Variants in EPC2 observed in about 807,000 individuals in gnomAD.
EPC2 encodes enhancer of polycomb 2, also known as enhancer of polycomb homolog 2.
In EPC2, 14 loss-of-function variants were observed where a neutral mutation model predicts 92.1. The observed-to-expected ratio is 0.15, with a 90% CI of 0.10 to 0.24. The LOEUF (loss-of-function observed/expected upper bound fraction) is 0.24. Among genes scored for constraint, EPC2 ranks in the 10% least tolerant of loss-of-function variants. The probability of loss-of-function intolerance (pLI) is 1.00; values close to 1 mark genes in which losing one functional copy is unlikely to be tolerated. For missense variants in EPC2, 755 were observed against 971.5 expected, an observed-to-expected ratio of 0.78 and a Z score of 2.96; for synonymous variants, 340 against 334.7, an observed-to-expected ratio of 1.02 and a Z score of -0.17.
At chr2:148,667,692 A>AT (rs1419542259) in intron 1 of EPC2, among the ~76,000 whole-genome samples, 1 of 152,164 alleles carries the variant, frequency 6.6e-6, no homozygotes, top group Non-Finnish European at 1.5e-5. Flanking sequence ...ACAATATTGA[A>AT]TAGAACAGTT....
At chr2:148,714,216 T>G (rs1682213441) in intron 2 of EPC2, among the ~76,000 whole-genome samples, 1 of 152,160 alleles carries the variant, frequency 6.6e-6, no homozygotes, top group African/African-American at 2.4e-5. Context: ...TCCAGCTCCA[T>G]TCATGTCCCT....
chr2:148,710,918 C>T (rs578155471), intron 2 of EPC2, among the ~76,000 whole-genome samples: 17 of 152,098 alleles, frequency 1.1e-4, no homozygotes, highest in African/African-American at 4.1e-4. Context: ...CATATACCTC[C>T]TGTATGCACG....
At position 148,645,008 on chromosome 2, in the gene EPC2, C is replaced by T. The variant is rs1683764283; in HGVS notation, c.-10C>T. ...CGCCGCCCGGGCTGTTCCTGTAAGG[C>T]GGGGAGACAATGAGTAAACTCTCCT... On this transcript the variant is annotated 5_prime_UTR_variant, in exon 1 of 14. Transcript: ENST00000258484. 1.3e-6 allele frequency: 2 copies of T among 1,540,208 alleles called. No homozygotes were observed. Among genetic ancestry groups the T allele is most frequent in the Admixed American group, 2.0e-5 (1 of 50,630 alleles).
chr2:148,757,328 A>C (rs1169664786), intron 4 of EPC2, among the ~76,000 whole-genome samples: 3 of 152,134 alleles, frequency 2.0e-5, no homozygotes, highest in Non-Finnish European at 2.9e-5. Flanking sequence ...GTGAGCCGAG[A>C]TCGCGCCACT....
intron 2 of EPC2, among the ~76,000 whole-genome samples, chr2:148,719,662 G>A (rs540307514): frequency 1.3e-5 from 2 of 152,180 alleles, no homozygotes; most frequent in Non-Finnish European, 2.9e-5. Flanking sequence ...ACGCCTGTAG[G>A]GGGTGGTTGG....
At chr2:148,702,122 G>T (rs1338617462) in intron 2 of EPC2, among the ~76,000 whole-genome samples, 1 of 151,418 alleles carries the variant, frequency 6.6e-6, no homozygotes, top group Non-Finnish European at 1.5e-5. Flanking sequence ...AGATTATTCA[G>T]TGTTACTGAT....
chr2:148,656,352 C>G (rs748256459), intron 1 of EPC2, among the ~76,000 whole-genome samples: 4 of 152,062 alleles, frequency 2.6e-5, no homozygotes, highest in Admixed American at 6.6e-5. Flanking sequence ...TTGCATTGTG[C>G]ATAGTGCTTG....
chr2:148,747,828 A>C (rs1574620362), intron 3 of EPC2, among the ~76,000 whole-genome samples: 1 of 152,024 alleles, frequency 6.6e-6, no homozygotes. Flanking sequence ...TTAAGCTGCT[A>C]GTAGTTTTTT....
At chr2:148,749,165 A>C (rs151260296) in intron 3 of EPC2, among the ~76,000 whole-genome samples, 1 of 152,110 alleles carries the variant, frequency 6.6e-6, no homozygotes, top group Admixed American at 6.6e-5. Context: ...TACAGGCTAC[A>C]TGTTTACTAA....
In EPC2 at chr2:148,702,177, T is replaced by C. The variant is rs140308638; in HGVS notation, c.313+11804T>C. ...CTTGTTTTTGTAAACTGATTTCTTA[T>C]CATTTTAGAAACTTGAAAGCTGTAA... On this transcript the variant is annotated intron_variant, in intron 2 of 13. Coordinates refer to ENST00000258484, the MANE Select transcript of EPC2 (RefSeq NM_015630.4). Among the ~76,000 whole-genome samples the C allele has an allele frequency of 1.5e-3, 225 of 152,326 alleles. 1 individual carries two copies. Among genetic ancestry groups the C allele is most frequent in the African/African-American group, 5.1e-3 (211 of 41,582 alleles).
At chr2:148,721,890 C>CTTTTTTTTTTTTTTTTT in intron 2 of EPC2, among the ~76,000 whole-genome samples, 4 of 60,772 alleles carry the variant, frequency 6.6e-5, no homozygotes, top group African/African-American at 2.0e-4. Context: ...GTTTTGATTT[C>CTTTTTTTTTTTTTTTTT]TTTTTTTTTT....
At chr2:148,722,747 C>A (rs114625967) in intron 2 of EPC2, among the ~76,000 whole-genome samples, 4 of 152,176 alleles carry the variant, frequency 2.6e-5, no homozygotes, top group Non-Finnish European at 5.9e-5. Context: ...GCACTATTCA[C>A]AGCAGCAAAG....
At chr2:148,689,181 A>AT (rs754482607) in intron 1 of EPC2, among the ~76,000 whole-genome samples, 1,988 of 145,140 alleles carry the variant, frequency 0.014, 18 homozygotes, top group Middle Eastern at 0.018. Flanking sequence ...ATTGAGTGAA[A>AT]TTTTTTTTTT....
chr2:148,657,225 T>G (rs1680821566), intron 1 of EPC2, among the ~76,000 whole-genome samples: 1 of 152,122 alleles, frequency 6.6e-6, no homozygotes, highest in African/African-American at 2.4e-5. Context: ...AAGTAATGCA[T>G]AGATTTTACT....
At chr2:148,670,130 CT>C (rs2105359951) in intron 1 of EPC2, among the ~76,000 whole-genome samples, 1 of 152,290 alleles carries the variant, frequency 6.6e-6, no homozygotes, top group African/African-American at 2.4e-5. Context: ...TTCATGAAGC[CT>C]TCTGCCTCAG....
rs182094546 is a variant in EPC2 at position 148,770,877 on chromosome 2, C to T, written c.1316C>T (p.Thr439Ile). The change falls in exon 9 of 14, where the codon ACA (threonine) becomes ATA (isoleucine). Residue 439 changes from threonine (T) to isoleucine (I), a missense_variant. This residue lies in a region of EPC2 where 509 missense variants were observed against 607.7 expected (regional missense o/e 0.84). Transcript: ENST00000258484. ...TTGAGGTATAGGCATTGCCTTACAA[C>T]ACTTACAGTCCCAAGAAGATGTATA... ...DKLRYRHCLT[T>I]LTVPRRCIGF... 1 of 1,613,752 alleles carries T rather than the reference C, an allele frequency of 6.2e-7. No homozygotes were observed. Among genetic ancestry groups the T allele is most frequent in the East Asian group, 2.2e-5 (1 of 44,876 alleles).
At chr2:148,683,747 A>G (rs554583378) in intron 1 of EPC2, among the ~76,000 whole-genome samples, 35 of 152,320 alleles carry the variant, frequency 2.3e-4, no homozygotes, top group Admixed American at 2.0e-3. Flanking sequence ...ATTCCATGGT[A>G]TATATACACC....
At chr2:148,745,816 G>A (rs1310564634) in intron 3 of EPC2, among the ~76,000 whole-genome samples, 1 of 152,072 alleles carries the variant, frequency 6.6e-6, no homozygotes, top group Non-Finnish European at 1.5e-5. Flanking sequence ...CAAGTTTGTA[G>A]TTAAACTACT....
chr2:148,717,229 T>C (rs1054693726), intron 2 of EPC2, among the ~76,000 whole-genome samples: 5 of 148,596 alleles, frequency 3.4e-5, no homozygotes, highest in Non-Finnish European at 7.4e-5. Context: ...GTTTTTCTTG[T>C]CTCTGTCTAC....
Sources: allele counts gnomAD v4.1 joint callset (sites outside exome capture counted in the v4.1 genomes callset), GRCh38; gene constraint gnomAD v4.1.1; regional missense constraint gnomAD v4.1.1; transcripts MANE v1.5; gene names NCBI Gene and HGNC (gene_info 2026-07-23, HGNC 2026-07-21).